CCDC12: variants seen among roughly 807,000 people sequenced by gnomAD.
CCDC12 encodes coiled-coil domain-containing protein 12.
Under a neutral mutation model 25.7 loss-of-function variants are expected in CCDC12, and 28 were observed. The observed-to-expected ratio is 1.09, with a 90% CI of 0.81 to 1.50. The LOEUF (loss-of-function observed/expected upper bound fraction) is 1.50. Among genes scored for constraint, CCDC12 ranks in the 40% most tolerant of loss-of-function variants. The pLI is 0.00. For missense variants in CCDC12, 198 were observed against 210.0 expected, an observed-to-expected ratio of 0.94 and a Z score of 0.35; for synonymous variants, 75 against 87.7, an observed-to-expected ratio of 0.86 and a Z score of 0.81.
chr3:46,976,288 G>T, intron 1 of CCDC12: 1 of 1,137,852 alleles, frequency 8.8e-7, no homozygotes, highest in Non-Finnish European at 1.1e-6. Context: ...AGGCCATAGA[G>T]GAACGGAACA....
intron 1 of CCDC12, among the ~76,000 whole-genome samples, chr3:46,948,684 G>A (rs2033999411): frequency 6.6e-6 from 1 of 152,270 alleles, no homozygotes; most frequent in African/African-American, 2.4e-5. Flanking sequence ...CCACTCAGAA[G>A]AGAGGCACGC....
At chr3:46,950,656 C>T (rs546758485) in intron 1 of CCDC12, among the ~76,000 whole-genome samples, 2 of 152,236 alleles carry the variant, frequency 1.3e-5, no homozygotes, top group Admixed American at 1.3e-4. Context: ...GAATGGAGCA[C>T]ATTATCCTTT....
rs778492551 is a variant in CCDC12 at position 46,923,613 on chromosome 3, C to T, written c.300G>A (p.Glu100=). 3.8e-5 allele frequency: 61 copies of T among 1,600,674 alleles called. No individual in the cohort carries two copies. In the Admixed American group the frequency reaches 9.9e-4, roughly 26 times the overall value. The change falls in exon 4 of 7, where the codon GAG becomes GAA. Residue 100 remains glutamate, a synonymous_variant. Coordinates refer to ENST00000683445, the MANE Select transcript of CCDC12 (RefSeq NM_001277074.2). ...LEAAKPEPVI[E]EVDLANLAPR... is the part of the protein sequence containing the mutation. ...GGGTGGTCCAGGCACTCACCACCTC[C>T]TCGATGACGGGCTCGGGCTTGGCGG... is the stretch of plus-strand genomic sequence containing the variant.
At chr3:46,941,089 C>T (rs758369558) in intron 1 of CCDC12, 24 bp from the exon 2 acceptor site, 2 of 1,612,856 alleles carry the variant, frequency 1.2e-6, no homozygotes, top group East Asian at 2.2e-5. Context: ...GAGAAAACCA[C>T]CAGCTCAGTT....
At chr3:46,968,790 A>T (rs979142700) in intron 1 of CCDC12, among the ~76,000 whole-genome samples, 3 of 152,196 alleles carry the variant, frequency 2.0e-5, no homozygotes, top group Non-Finnish European at 4.4e-5. Flanking sequence ...GAGGGATAGA[A>T]GGCCAGAGCC....
chr3:46,940,579 A>AC (rs2033660541), intron 2 of CCDC12: 1 of 174,498 alleles, frequency 5.7e-6, no homozygotes, highest in Non-Finnish European at 1.2e-5. Context: ...CAGAGGTGGC[A>AC]AGGGCCGACC....
chr3:46,941,197 T>A, intron 1 of CCDC12, 132 bp from the exon 2 acceptor site: 1 of 784,782 alleles, frequency 1.3e-6, no homozygotes, highest in Non-Finnish European at 2.3e-6. Context: ...TGTCCCAGAC[T>A]CCAACAGGGT....
At position 46,945,533 on chromosome 3, in the gene CCDC12, G is replaced by GT. The variant is rs559873846; in HGVS notation, c.97-4469dup. ...GCTCAGGACAGAGTCTGACTGACCT[G>GT]TTTCCTAATGTTTGAAATCCTTTTT... On this transcript the variant is annotated intron_variant, in intron 1 of 6. Transcript: ENST00000683445. Among the ~76,000 whole-genome samples the GT allele has an allele frequency of 3.3e-4, 50 of 152,334 alleles. No individual in the cohort carries two copies. In the South Asian group the frequency reaches 9.7e-3, roughly 30 times the overall value.
chr3:46,940,688 A>G (rs2033665292), intron 2 of CCDC12: 1 of 355,748 alleles, frequency 2.8e-6, no homozygotes, highest in Non-Finnish European at 5.2e-6. Context: ...GCACTTACTC[A>G]GTAGGCAATG....
At chr3:46,961,554 T>G (rs1043511437) in intron 1 of CCDC12, among the ~76,000 whole-genome samples, 1 of 152,208 alleles carries the variant, frequency 6.6e-6, no homozygotes, top group Non-Finnish European at 1.5e-5. Context: ...TTTTCTCTAG[T>G]GCACAAAGCC....
chr3:46,956,651 G>T (rs2034296241), intron 1 of CCDC12, among the ~76,000 whole-genome samples: 1 of 152,124 alleles, frequency 6.6e-6, no homozygotes, highest in African/African-American at 2.4e-5. Context: ...GTGAAACCCT[G>T]TCTCTACCAC....
At chr3:46,926,801 G>A (rs1378698820) in intron 2 of CCDC12, among the ~76,000 whole-genome samples, 1 of 152,198 alleles carries the variant, frequency 6.6e-6, no homozygotes, top group Non-Finnish European at 1.5e-5. Context: ...TTCTTGACCA[G>A]TGGTCCCTCA....
chr3:46,939,977 A>T (rs1455643477), intron 2 of CCDC12, among the ~76,000 whole-genome samples: 2 of 152,086 alleles, frequency 1.3e-5, no homozygotes, highest in East Asian at 1.9e-4. Context: ...GCCCATCAAG[A>T]TCTACACCCC....
chr3:46,976,558 G>T (rs575030620), intron 1 of CCDC12, 79 bp downstream of exon 1: 2 of 1,530,648 alleles, frequency 1.3e-6, no homozygotes, highest in African/African-American at 1.4e-5. Flanking sequence ...TTCCTTATTA[G>T]CCCTTTGCTC....
At chr3:46,976,794 A>T, upstream of CCDC12, 3 of 1,553,066 alleles carry the variant, frequency 1.9e-6, no homozygotes, top group Admixed American at 2.0e-5. Flanking sequence ...AGGAGAGTGG[A>T]TAAATGTCTC....
intron 1 of CCDC12, among the ~76,000 whole-genome samples, chr3:46,964,912 T>C (rs1445012824): frequency 5.3e-5 from 8 of 151,964 alleles, no homozygotes; most frequent in Admixed American, 5.2e-4. Flanking sequence ...GACCCTGCCA[T>C]ATCCCCCTCT....
At chr3:46,942,368 G>A (rs373139001) in intron 1 of CCDC12, among the ~76,000 whole-genome samples, 8 of 152,368 alleles carry the variant, frequency 5.3e-5, no homozygotes, top group Admixed American at 2.0e-4. Context: ...CTATGGCAGC[G>A]TCCTGCCTTT....
At chr3:46,923,553 G>C (rs1250207702) in intron 4 of CCDC12, 54 bp downstream of exon 4, 4 of 1,567,312 alleles carry the variant, frequency 2.6e-6, no homozygotes, top group Non-Finnish European at 3.5e-6. Flanking sequence ...AAGTGGCGAA[G>C]AGAAACAGGA....
At chr3:46,981,199 C>CT (rs763258238), upstream of CCDC12, among the ~76,000 whole-genome samples, 35 of 152,298 alleles carry the variant, frequency 2.3e-4, no homozygotes, top group Middle Eastern at 3.4e-3. Context: ...AATCCCAGCA[C>CT]TTTGGGAGGC....
Sources: allele counts gnomAD v4.1 joint callset (sites outside exome capture counted in the v4.1 genomes callset), GRCh38; gene constraint gnomAD v4.1.1; transcripts MANE v1.5; gene names NCBI Gene and HGNC (gene_info 2026-07-23, HGNC 2026-07-21).